Variants in NAV2 observed in about 807,000 individuals in gnomAD.
The protein encoded by NAV2 is neuron navigator 2.
In NAV2, 54 loss-of-function variants were observed where a neutral mutation model predicts 223.2. The observed-to-expected ratio is 0.24, with a 90% CI of 0.19 to 0.30. The LOEUF is 0.30. Among genes scored for constraint, NAV2 ranks in the 10% least tolerant of loss-of-function variants. NAV2 has a pLI of 1.00. For synonymous variants in NAV2, 1,279 were observed against 1,239.3 expected, an observed-to-expected ratio of 1.03 and a Z score of -0.67; for missense variants, 2,806 against 3,147.5, an observed-to-expected ratio of 0.89 and a Z score of 2.60.
At chr11:19,424,429 G>A (rs1005737381) in intron 1 of NAV2, among the ~76,000 whole-genome samples, 2 of 152,216 alleles carry the variant, frequency 1.3e-5, no homozygotes, top group Admixed American at 6.5e-5. Context: ...ACTATGTGTG[G>A]CATTCATCAA....
intron 11 of NAV2, among the ~76,000 whole-genome samples, chr11:19,999,945 A>G (rs2052375296): frequency 6.6e-6 from 1 of 152,210 alleles, no homozygotes; most frequent in Non-Finnish European, 1.5e-5. Flanking sequence ...TAAATCGGCC[A>G]GGATATACAT....
chr11:19,362,029 A>G (rs970344204), intron 1 of NAV2, among the ~76,000 whole-genome samples: 2 of 152,140 alleles, frequency 1.3e-5, no homozygotes, highest in African/African-American at 4.8e-5. Flanking sequence ...GTGGCTCTGG[A>G]TGGGGAGGAG....
intron 1 of NAV2, among the ~76,000 whole-genome samples, chr11:19,564,026 C>T (rs2045183604): frequency 6.6e-6 from 1 of 152,182 alleles, no homozygotes; most frequent in African/African-American, 2.4e-5. Flanking sequence ...GATACATTCC[C>T]TGTCTTCACC....
At chr11:19,853,986 C>T (rs1038353440) in intron 3 of NAV2, among the ~76,000 whole-genome samples, 1 of 152,110 alleles carries the variant, frequency 6.6e-6, no homozygotes, top group African/African-American at 2.4e-5. Flanking sequence ...ATGTTGTACT[C>T]AGGAAGGTTA....
chr11:19,939,192 A>C (rs2046193650), intron 7 of NAV2, among the ~76,000 whole-genome samples: 1 of 152,160 alleles, frequency 6.6e-6, no homozygotes, highest in Admixed American at 6.5e-5. Context: ...CCCACTTCCG[A>C]CTGGTTTTAT....
intron 1 of NAV2, among the ~76,000 whole-genome samples, chr11:19,540,385 C>T (rs1232458987): frequency 6.6e-6 from 1 of 152,246 alleles, no homozygotes; most frequent in Non-Finnish European, 1.5e-5. Context: ...ATTTATTCTC[C>T]ACTTACTATT....
intron 1 of NAV2, chr11:19,777,639 A>T: frequency 2.4e-6 from 1 of 422,948 alleles, no homozygotes; most frequent in Non-Finnish European, 4.7e-6. Context: ...TGCATTCCGC[A>T]CTTGGTATTT....
chr11:20,102,931 A>G (rs1161193610), intron 32 of NAV2, among the ~76,000 whole-genome samples: 3 of 152,180 alleles, frequency 2.0e-5, no homozygotes, highest in Non-Finnish European at 2.9e-5. Flanking sequence ...TCTGATGTGT[A>G]GAGGGCTTCT....
upstream of NAV2, among the ~76,000 whole-genome samples, chr11:19,708,262 G>C (rs980849795): frequency 2.0e-5 from 3 of 152,176 alleles, no homozygotes; most frequent in Non-Finnish European, 4.4e-5. Flanking sequence ...CTACTAAAAG[G>C]TGAGCCTTTG....
At chr11:19,952,442 A>AT (rs2047475766) in intron 10 of NAV2, among the ~76,000 whole-genome samples, 1 of 152,208 alleles carries the variant, frequency 6.6e-6, no homozygotes, top group African/African-American at 2.4e-5. Flanking sequence ...CGGGGTCTAG[A>AT]TGCCTTATCT....
At chr11:19,443,292 A>T (rs1299326142) in intron 1 of NAV2, among the ~76,000 whole-genome samples, 1 of 152,142 alleles carries the variant, frequency 6.6e-6, no homozygotes, top group Non-Finnish European at 1.5e-5. Context: ...ACACTGCAGG[A>T]TATGGTTTCT....
At chr11:19,458,973 G>A (rs1156772116) in intron 1 of NAV2, among the ~76,000 whole-genome samples, 2 of 152,264 alleles carry the variant, frequency 1.3e-5, no homozygotes, top group Non-Finnish European at 2.9e-5. Flanking sequence ...TTGAGTGTGC[G>A]TGAGCACAGG....
intron 1 of NAV2, among the ~76,000 whole-genome samples, chr11:19,642,229 C>G (rs2047685965): frequency 6.6e-6 from 1 of 152,164 alleles, no homozygotes; most frequent in African/African-American, 2.4e-5. Context: ...CCAGCCAGCC[C>G]CACCCAGGCA....
intron 1 of NAV2, among the ~76,000 whole-genome samples, chr11:19,393,097 A>G (rs773326657): frequency 3.9e-5 from 6 of 152,186 alleles, no homozygotes; most frequent in Non-Finnish European, 8.8e-5. Context: ...GAATTGGATG[A>G]TCTAACCCCT....
chr11:19,925,146 G>A (rs1178961021), intron 6 of NAV2, among the ~76,000 whole-genome samples: 1 of 152,048 alleles, frequency 6.6e-6, no homozygotes, highest in Non-Finnish European at 1.5e-5. Flanking sequence ...TTGTTGAGTT[G>A]GAAGAGTTCT....
At chr11:19,351,616 C>T (rs1853316826) in intron 1 of NAV2, among the ~76,000 whole-genome samples, 1 of 152,074 alleles carries the variant, frequency 6.6e-6, no homozygotes, top group Non-Finnish European at 1.5e-5. Flanking sequence ...CTTTAAAAGG[C>T]AGACGCGTTG....
In NAV2 at chr11:19,631,369, T is replaced by C. The variant is rs560369831; in HGVS notation, c.76-201115T>C. ...AGAACATGCGGTGTTTGGTTTTTTGTCCTTGTGATAGTTTGCTGAGAATGA... is the reference window on the plus strand; with the variant it reads ...AGAACATGCGGTGTTTGGTTTTTTGCCCTTGTGATAGTTTGCTGAGAATGA... On this transcript the variant is annotated intron_variant, in intron 1 of 37. Coordinates refer to the NAV2 transcript ENST00000360655. Among the ~76,000 whole-genome samples, 63 of 152,178 alleles carry C rather than the reference T, an allele frequency of 4.1e-4. 2 individuals are homozygous for C. Among genetic ancestry groups the C allele is most frequent in the Non-Finnish European group, 7.2e-4 (49 of 68,034 alleles).
chr11:19,452,111 T>A (rs1458765390), intron 1 of NAV2, among the ~76,000 whole-genome samples: 1 of 11,646 alleles, frequency 8.6e-5, no homozygotes, highest in Admixed American at 1.5e-3. Context: ...TACAAAAGTG[T>A]GTGTGTGTGT....
chr11:19,399,046 G>A (rs1373983842), intron 1 of NAV2, among the ~76,000 whole-genome samples: 1 of 152,324 alleles, frequency 6.6e-6, no homozygotes, highest in South Asian at 2.1e-4. Flanking sequence ...TCGGTTAAAA[G>A]ATCTTATTAC....
Sources: gnomAD v4.1 joint callset for allele counts (sites outside exome capture counted in the v4.1 genomes callset) on GRCh38, gnomAD v4.1.1 for gene constraint, MANE v1.5 for transcripts, NCBI Gene and HGNC (gene_info 2026-07-23, HGNC 2026-07-21) for gene names.